NIPAL3: variants seen among roughly 807,000 people sequenced by gnomAD.
The protein encoded by NIPAL3 is NIPA-like protein 3.
In NIPAL3, 41 loss-of-function variants were observed where a neutral mutation model predicts 47.2. The ratio of observed to expected loss-of-function variants is 0.87; its 90% CI spans 0.68 to 1.13. The LOEUF (loss-of-function observed/expected upper bound fraction) is 1.13. Ranked by LOEUF, NIPAL3 falls within the 50% of genes most tolerant of loss-of-function variation. The probability of loss-of-function intolerance (pLI) is 0.00; values close to 1 mark genes in which losing one functional copy is unlikely to be tolerated. For missense variants in NIPAL3, 449 were observed against 530.1 expected (o/e 0.85, Z 1.50); for synonymous variants, 194 against 209.6 (o/e 0.93, Z 0.64).
intron 2 of NIPAL3, 43 bp downstream of exon 2, chr1:24,419,683 A>T: frequency 6.4e-7 from 1 of 1,564,572 alleles, no homozygotes; most frequent in Non-Finnish European, 8.8e-7. Context: ...TTTTCCTAGC[A>T]AGGAAGTTAC....
intron 5 of NIPAL3, among the ~76,000 whole-genome samples, chr1:24,445,934 G>C (rs1012008814): frequency 6.6e-6 from 1 of 152,158 alleles, no homozygotes; most frequent in African/African-American, 2.4e-5. Context: ...TTTAATGGAG[G>C]TCCCTCCACA....
chr1:24,447,115 A>G lies in NIPAL3; in HGVS notation c.394+1871A>G, dbSNP rs116245587. Among the ~76,000 whole-genome samples the G allele has an allele frequency of 4.1e-3, 619 of 152,270 alleles. 2 individuals are homozygous for G. Among genetic ancestry groups the G allele is most frequent in the African/African-American group, 0.014 (584 of 41,534 alleles). ...CTGATGTGTAGGCCTTATGTGCCATACTGAGGAGTTGAGGAGTGACGTGAT... is the reference window on the plus strand; with the variant it reads ...CTGATGTGTAGGCCTTATGTGCCATGCTGAGGAGTTGAGGAGTGACGTGAT... On this transcript the variant is annotated intron_variant, in intron 5 of 11. Transcript: ENST00000374399.
chr1:24,440,634 C>A (rs971702652), intron 3 of NIPAL3, among the ~76,000 whole-genome samples: 2 of 152,196 alleles, frequency 1.3e-5, no homozygotes, highest in Non-Finnish European at 2.9e-5. Flanking sequence ...TGGATCCCCC[C>A]ACTGACCTCC....
rs1299413438 is a variant in NIPAL3 at position 24,472,399 on chromosome 1, G to A, written c.*3214G>A. The A allele has an allele frequency of 6.6e-6, 1 of 152,204 alleles. No homozygotes were observed. The highest frequency in any genetic ancestry group is 2.4e-5 in the African/African-American group (1 of 41,442). 9.4% of individuals were successfully genotyped at this position (152,204 alleles called of 1,614,324 possible). A position where few individuals can be genotyped will look rare whatever the true frequency, so the allele number is the denominator to read the frequency against. On this transcript the variant is annotated 3_prime_UTR_variant, in exon 12 of 12. Coordinates refer to ENST00000374399, the MANE Select transcript of NIPAL3 (RefSeq NM_020448.5). ...TACGCAGCACTGGCTGTTAAGATGG[G>A]GAAGGGGTACATCAGGATTCCACTC...
At chr1:24,422,684 A>G (rs1477556412) in intron 2 of NIPAL3, among the ~76,000 whole-genome samples, 1 of 152,054 alleles carries the variant, frequency 6.6e-6, no homozygotes, top group Non-Finnish European at 1.5e-5. Context: ...TCCCACACCA[A>G]CTCCATCATC....
In NIPAL3 at chr1:24,416,367, G is replaced by A. The variant is rs1644032823; in HGVS notation, c.-258+463G>A. On this transcript the variant is annotated intron_variant, in intron 1 of 11. Coordinates refer to ENST00000374399, the MANE Select transcript of NIPAL3 (RefSeq NM_020448.5). This position sits in a 1 kb window ranked among gnomAD's most constrained non-coding sequence, Gnocchi z 4.8. ...TTCTCGTGAGCCAAAGCCGAGGAAC[G>A]GGAAGCTTGGCAGGGAACTGGCGCT... 1.0e-6 allele frequency: 1 copy of A among 981,514 alleles called. No individual in the cohort carries two copies. The highest frequency in any genetic ancestry group is 6.2e-5 in the Admixed American group (1 of 16,246). The allele number at this position is 981,514 out of a possible 1,614,324, so 60.8% of individuals were successfully genotyped here.
chr1:24,425,719 G>A (rs773446527), intron 2 of NIPAL3, among the ~76,000 whole-genome samples: 15 of 152,062 alleles, frequency 9.9e-5, no homozygotes, highest in Non-Finnish European at 1.8e-4. Flanking sequence ...TTATAACTTG[G>A]GGAAAATCAT....
intron 2 of NIPAL3, chr1:24,421,759 A>T (rs914681083): frequency 1.3e-5 from 2 of 152,234 alleles, no homozygotes; most frequent in African/African-American, 4.8e-5. Context: ...TGACCCACAC[A>T]TAATGGCCAG....
intron 1 of NIPAL3, 38 bp from the exon 2 acceptor site, chr1:24,419,253 T>C (rs1644201779): frequency 2.9e-6 from 3 of 1,044,538 alleles, no homozygotes; most frequent in Non-Finnish European, 3.5e-6. Flanking sequence ...AGTGTTTCCT[T>C]GTCCATGCAT....
Position 24,454,488 on chromosome 1 carries a change from A to G in NIPAL3, c.637+984A>G. The stretch of plus-strand genomic sequence containing the variant: ...CAACCTTCCTACTGTGTGCCCTACC[A>G]CCGCCACAAGCCATCAACCAAATAG... On this transcript the variant is annotated intron_variant, in intron 7 of 11. Coordinates refer to ENST00000374399, the MANE Select transcript of NIPAL3 (RefSeq NM_020448.5). This position sits in a 1 kb window ranked among gnomAD's most constrained non-coding sequence, Gnocchi z 4.1. The G allele has an allele frequency of 1.0e-6, 1 of 992,156 alleles. No individual in the cohort carries two copies. The highest frequency in any genetic ancestry group is 4.5e-5 in the South Asian group (1 of 22,192). The allele number at this position is 992,156 out of a possible 1,614,324, so 61.5% of individuals were successfully genotyped here. A position where few individuals can be genotyped will look rare whatever the true frequency, so the allele number is the denominator to read the frequency against.
intron 2 of NIPAL3, 108 bp from the exon 3 acceptor site, chr1:24,440,064 G>A (rs1444664183): frequency 1.6e-6 from 1 of 635,904 alleles, no homozygotes; most frequent in African/African-American, 1.9e-5. Context: ...CACTGATATT[G>A]TTTTTCTGGT....
At chr1:24,437,303 A>G (rs982906329) in intron 2 of NIPAL3, among the ~76,000 whole-genome samples, 2 of 152,204 alleles carry the variant, frequency 1.3e-5, no homozygotes, top group African/African-American at 4.8e-5. Flanking sequence ...AATTTGTTAG[A>G]TGTATAATAA....
At chr1:24,439,795 C>G (rs977971258) in intron 2 of NIPAL3, among the ~76,000 whole-genome samples, 1 of 152,172 alleles carries the variant, frequency 6.6e-6, no homozygotes, top group African/African-American at 2.4e-5. Flanking sequence ...ATTGAAGACA[C>G]TATTGACAAG....
chr1:24,414,196 A>G (rs555712026), upstream of NIPAL3: 6 of 152,246 alleles, frequency 3.9e-5, no homozygotes, highest in South Asian at 1.2e-3. Flanking sequence ...GGCGCTCGCC[A>G]CCACGCCAGG....
At chr1:24,435,680 A>G (rs1368729430) in intron 2 of NIPAL3, among the ~76,000 whole-genome samples, 1 of 152,216 alleles carries the variant, frequency 6.6e-6, no homozygotes, top group Non-Finnish European at 1.5e-5. Context: ...CTTCATCAAA[A>G]TTTAAAACTT....
At chr1:24,445,416 A>G (rs920772863) in intron 5 of NIPAL3, among the ~76,000 whole-genome samples, 172 bp downstream of exon 5, 3 of 152,148 alleles carry the variant, frequency 2.0e-5, no homozygotes, top group African/African-American at 7.2e-5. Context: ...GGGGTTCTCA[A>G]GCCTGGCCAC....
intron 2 of NIPAL3, among the ~76,000 whole-genome samples, chr1:24,438,593 G>C (rs1645235051): frequency 6.6e-6 from 1 of 152,206 alleles, no homozygotes; most frequent in Non-Finnish European, 1.5e-5. Flanking sequence ...GTGTCCTGAG[G>C]GGGAAGCCTC....
chr1:24,469,314 G>C lies in NIPAL3; in HGVS notation c.*129G>C, dbSNP rs1259337299. ...ACTCTATGGATGATGATCTCAAAAAGCCTTTGTCTCTGGGAAAGGATGCGT... is the reference window on the plus strand; with the variant it reads ...ACTCTATGGATGATGATCTCAAAAACCCTTTGTCTCTGGGAAAGGATGCGT... On this transcript the variant is annotated 3_prime_UTR_variant, in exon 12 of 12. Transcript: ENST00000374399. 13 of 753,654 alleles carry C rather than the reference G, an allele frequency of 1.7e-5. No homozygotes were observed. Among genetic ancestry groups the C allele is most frequent in the Non-Finnish European group, 2.7e-5 (13 of 481,274 alleles). The allele number at this position is 753,654 out of a possible 1,614,324, so 46.7% of individuals were successfully genotyped here.
intron 6 of NIPAL3, among the ~76,000 whole-genome samples, chr1:24,450,361 C>T (rs1645876949): frequency 6.6e-6 from 1 of 152,106 alleles, no homozygotes; most frequent in African/African-American, 2.4e-5. Context: ...AAACTGTAAA[C>T]CATTTAAGAA....
Sources: allele counts gnomAD v4.1 joint callset (sites outside exome capture counted in the v4.1 genomes callset), GRCh38; gene constraint gnomAD v4.1.1; non-coding constraint Gnocchi (gnomAD v3.1); transcripts MANE v1.5; gene names NCBI Gene and HGNC (gene_info 2026-07-23, HGNC 2026-07-21).